PCDH7: variants seen among roughly 807,000 people sequenced by gnomAD.
The protein encoded by PCDH7 is protocadherin-7.
PCDH7 carries 17 observed loss-of-function variants against 58.9 expected under a neutral mutation model. The observed-to-expected ratio is 0.29, with a 90% CI of 0.20 to 0.43. PCDH7 has a LOEUF of 0.43. Ranked by LOEUF, PCDH7 falls within the 20% of genes least tolerant of loss-of-function variation. The pLI is 1.00. For missense variants in PCDH7, 1,274 were observed against 1,441.0 expected (o/e 0.88, Z 1.88); for synonymous variants, 664 against 616.4 (o/e 1.08, Z -1.14).
chr4:30,849,768 C>T (rs1035681427), intron 1 of PCDH7, among the ~76,000 whole-genome samples: 3 of 152,024 alleles, frequency 2.0e-5, no homozygotes, highest in Non-Finnish European at 4.4e-5. Flanking sequence ...TCTGTGAGGT[C>T]TCCTTTCTTT....
At chr4:31,124,249 T>G (rs1718028757) in intron 3 of PCDH7, among the ~76,000 whole-genome samples, 2 of 152,194 alleles carry the variant, frequency 1.3e-5, no homozygotes. Context: ...ATATATTAGG[T>G]GCTTCTATGT....
intron 2 of PCDH7, among the ~76,000 whole-genome samples, chr4:30,939,117 C>T (rs1384713351): frequency 6.6e-6 from 1 of 152,086 alleles, no homozygotes; most frequent in Non-Finnish European, 1.5e-5. Flanking sequence ...CTGAAAATCC[C>T]TGGGAGCACT....
chr4:30,799,130 A>T (rs1183856858), intron 1 of PCDH7, among the ~76,000 whole-genome samples: 1 of 151,968 alleles, frequency 6.6e-6, no homozygotes, highest in African/African-American at 2.4e-5. Flanking sequence ...TTCTTTTTTC[A>T]CCTTTAATTC....
At chr4:31,072,422 C>A (rs192617223) in intron 3 of PCDH7, among the ~76,000 whole-genome samples, 183 of 151,916 alleles carry the variant, frequency 1.2e-3, no homozygotes, top group Middle Eastern at 6.8e-3. Context: ...TTAATATAAG[C>A]AAACATAATG....
intron 3 of PCDH7, among the ~76,000 whole-genome samples, chr4:31,117,877 G>C (rs962796371): frequency 6.6e-6 from 1 of 152,124 alleles, no homozygotes; most frequent in African/African-American, 2.4e-5. Context: ...AAGTGTTAGG[G>C]ACCAACATTT....
intron 3 of PCDH7, among the ~76,000 whole-genome samples, chr4:31,138,916 C>T (rs778316948): frequency 7.4e-5 from 11 of 148,414 alleles, no homozygotes; most frequent in African/African-American, 2.2e-4. Context: ...GCAGAGGTTG[C>T]GGTGAGGCAA....
chr4:31,099,829 C>T (rs759231948), intron 3 of PCDH7, among the ~76,000 whole-genome samples: 4 of 152,030 alleles, frequency 2.6e-5, no homozygotes, highest in Non-Finnish European at 5.9e-5. Context: ...AGATTTGACG[C>T]GTGTCTTCAT....
chr4:31,084,727 A>AGGGGAGGGGAGGGGATG (rs1712124930), intron 3 of PCDH7, among the ~76,000 whole-genome samples: 1 of 67,256 alleles, frequency 1.5e-5, no homozygotes, highest in Non-Finnish European at 2.8e-5. Flanking sequence ...AGGGGAGAAG[A>AGGGGAGGGGAGGGGATG]GGGGAGGGGA....
In PCDH7 at chr4:30,721,614, G is replaced by A. The variant is rs368392871; in HGVS notation, c.192G>A (p.Val64=). Residue 64 remains valine (V), a synonymous_variant, in exon 1 of 2, where the codon GTG becomes GTA. Coordinates refer to ENST00000361762, the Ensembl canonical transcript of PCDH7. The surrounding 1 kb of genome is among the most constrained non-coding windows in gnomAD (Gnocchi z 6.7). The stretch of plus-strand genomic sequence containing the variant: ...GCATCGTGACCGGATCGGGTGAGGT[G>A]ACTTTCAGCCTGGAGTCCGGTTCCG... 2 of 1,612,810 alleles carry A rather than the reference G, an allele frequency of 1.2e-6. No individual in the cohort carries two copies. Among genetic ancestry groups the A allele is most frequent in the Admixed American group, 1.7e-5 (1 of 59,992 alleles).
chr4:30,752,377 A>G (rs1718646175), intron 1 of PCDH7, among the ~76,000 whole-genome samples: 1 of 152,134 alleles, frequency 6.6e-6, no homozygotes, highest in Admixed American at 6.6e-5. Flanking sequence ...GGCATGATGG[A>G]GCAGGTTCAT....
chr4:30,948,524 G>T (rs1689284431), intron 2 of PCDH7, among the ~76,000 whole-genome samples: 1 of 151,942 alleles, frequency 6.6e-6, no homozygotes, highest in Non-Finnish European at 1.5e-5. Flanking sequence ...CTTTGAAGGG[G>T]AATTCAAACT....
chr4:30,941,656 C>T (rs1746051253), intron 2 of PCDH7, among the ~76,000 whole-genome samples: 1 of 151,854 alleles, frequency 6.6e-6, no homozygotes, highest in Non-Finnish European at 1.5e-5. Flanking sequence ...TTTTATTCTA[C>T]TGTTTAAAGT....
chr4:31,044,247 A>T (rs1256517943), intron 3 of PCDH7, among the ~76,000 whole-genome samples: 1 of 152,108 alleles, frequency 6.6e-6, no homozygotes, highest in East Asian at 1.9e-4. Context: ...TCTCAAGATT[A>T]ACAAAGTGGA....
At chr4:30,879,597 C>G (rs1736706884) in intron 1 of PCDH7, among the ~76,000 whole-genome samples, 1 of 152,088 alleles carries the variant, frequency 6.6e-6, no homozygotes, top group East Asian at 1.9e-4. Flanking sequence ...GCATCTAATT[C>G]TCATTTGGAT....
exon 1 of PCDH7, chr4:30,724,067 T>C: frequency 1.2e-6 from 2 of 1,614,076 alleles, no homozygotes; most frequent in Non-Finnish European, 1.7e-6. Flanking sequence ...AGTATTGTCA[T>C]TGGCGTGGTT....
intron 3 of PCDH7, among the ~76,000 whole-genome samples, chr4:31,003,776 C>T (rs1295363664): frequency 2.0e-5 from 3 of 151,722 alleles, no homozygotes; most frequent in East Asian, 1.9e-4. Flanking sequence ...AGCGTGGTGG[C>T]GGGCACCTGT....
At chr4:31,097,890 T>C (rs1714361423) in intron 3 of PCDH7, among the ~76,000 whole-genome samples, 1 of 152,108 alleles carries the variant, frequency 6.6e-6, no homozygotes, top group South Asian at 2.1e-4. Context: ...CCTTACATAC[T>C]AAAGATGTAG....
At chr4:30,793,307 A>C (rs1009017979) in intron 1 of PCDH7, among the ~76,000 whole-genome samples, 2 of 152,296 alleles carry the variant, frequency 1.3e-5, no homozygotes, top group South Asian at 2.1e-4. Flanking sequence ...ACTGCTTAGT[A>C]ACTGTGCTCT....
At chr4:30,901,035 A>C (rs1740147483) in intron 1 of PCDH7, among the ~76,000 whole-genome samples, 1 of 152,260 alleles carries the variant, frequency 6.6e-6, no homozygotes, top group South Asian at 2.1e-4. Flanking sequence ...TCTATTACTC[A>C]TCCTGTTTCT....
Sources: allele counts gnomAD v4.1 joint callset (sites outside exome capture counted in the v4.1 genomes callset), GRCh38; gene constraint gnomAD v4.1.1; non-coding constraint Gnocchi (gnomAD v3.1); transcripts MANE v1.5; gene names NCBI Gene and HGNC (gene_info 2026-07-23, HGNC 2026-07-21).